DHRS7: variants seen among roughly 807,000 people sequenced by gnomAD.
DHRS7 encodes the protein dehydrogenase/reductase 7.
Under a neutral mutation model 38.9 loss-of-function variants are expected in DHRS7, and 34 were observed. The observed-to-expected ratio is 0.87, with a 90% CI of 0.66 to 1.16. The LOEUF (loss-of-function observed/expected upper bound fraction) is 1.16, where lower values mean the gene tolerates loss of function less well. Ranked by LOEUF, DHRS7 falls within the 50% of genes most tolerant of loss-of-function variation. DHRS7 has a pLI of 0.00. For missense variants in DHRS7, 421 were observed against 407.0 expected, an observed-to-expected ratio of 1.03 and a Z score of -0.30; for synonymous variants, 158 against 153.1, an observed-to-expected ratio of 1.03 and a Z score of -0.24.
chr14:60,150,194 G>GGCAAAAAAAAAA lies in DHRS7; in HGVS notation c.634-8_634-7insTTTTTTTTTTGC, dbSNP rs376945245. 2 of 1,121,046 alleles carry GGCAAAAAAAAAA rather than the reference G, an allele frequency of 1.8e-6. No homozygotes were observed. The highest frequency in any genetic ancestry group is 3.5e-5 in the East Asian group (1 of 28,246). The allele number at this position is 1,121,046 out of a possible 1,614,324, so 69.4% of individuals were successfully genotyped here. ...GAAGGCCATTAAAAAAACCCTAACAGACAAAAAAAAAAAAAAAGGAAAAAG... is the reference window on the plus strand; with the variant it reads ...GAAGGCCATTAAAAAAACCCTAACAGGCAAAAAAAAAAACAAAAAAAAAAAAAAAGGAAAAAG... On this transcript the variant is annotated splice_polypyrimidine_tract_variant and splice_region_variant and intron_variant, in intron 4 of 6. Coordinates refer to ENST00000557185, the MANE Select transcript of DHRS7 (RefSeq NM_016029.4).
At position 60,161,647 on chromosome 14, in the gene DHRS7, C is replaced by G. The variant is rs1466985437; in HGVS notation, c.133+3530G>C. Among the ~76,000 whole-genome samples the G allele has an allele frequency of 1.3e-5, 2 of 152,148 alleles. No homozygotes were observed. Among genetic ancestry groups the G allele is most frequent in the Admixed American group, 1.3e-4 (2 of 15,276 alleles). On this transcript the variant is annotated intron_variant, in intron 1 of 6. Transcript: ENST00000557185. The surrounding 1 kb of genome is among the most constrained non-coding windows in gnomAD (Gnocchi z 4.2). ...GCACCAATTCTAGTTGGTTAATGTT[C>G]CTCTTTATTAAAGGGAGCTGGCTAG... is the stretch of plus-strand genomic sequence containing the variant.
chr14:60,165,346 G>C lies in DHRS7; in HGVS notation c.-37C>G, dbSNP rs535204771. On this transcript the variant is annotated 5_prime_UTR_variant, in exon 1 of 7. Transcript: ENST00000557185. This position sits in a 1 kb window ranked among gnomAD's most constrained non-coding sequence, Gnocchi z 4.6. Reference sequence around the variant, plus strand: ...ACGCCCAGCTCGGGGGGAAGAAGACGGCCCGCACCAGAGTCGCGTCGCTGC... The same window carrying C: ...ACGCCCAGCTCGGGGGGAAGAAGACCGCCCGCACCAGAGTCGCGTCGCTGC... 9.7e-6 allele frequency: 15 copies of C among 1,550,716 alleles called. No homozygotes were observed. The highest frequency in any genetic ancestry group is 9.5e-5 in the Admixed American group (5 of 52,602).
chr14:60,158,164 C>T (rs1044330895), intron 1 of DHRS7, among the ~76,000 whole-genome samples: 1 of 141,460 alleles, frequency 7.1e-6, no homozygotes, highest in African/African-American at 2.7e-5. Flanking sequence ...ACCTGGGAGG[C>T]AGAGGTTGCA....
At chr14:60,158,980 A>C (rs1896710503) in intron 1 of DHRS7, 4 of 350,424 alleles carry the variant, frequency 1.1e-5, no homozygotes, top group South Asian at 1.1e-4. Context: ...GGTGGGTCCA[A>C]GTGTCCAGCC....
At chr14:60,165,502 C>A, upstream of DHRS7, 1 of 1,304,558 alleles carries the variant, frequency 7.7e-7, no homozygotes, top group Non-Finnish European at 9.7e-7. The surrounding 1 kb of genome is among the most constrained non-coding windows in gnomAD (Gnocchi z 4.6). Context: ...CACTCGCGGT[C>A]CTTGGGCGGC....
intron 1 of DHRS7, among the ~76,000 whole-genome samples, chr14:60,163,944 T>C (rs763380788): frequency 3.1e-4 from 47 of 152,102 alleles, no homozygotes; most frequent in Non-Finnish European, 6.5e-4. Context: ...AAGCCCTTGG[T>C]TAATGAAGTT....
At chr14:60,155,565 T>C (rs1896641365) in intron 2 of DHRS7, among the ~76,000 whole-genome samples, 1 of 152,224 alleles carries the variant, frequency 6.6e-6, no homozygotes, top group African/African-American at 2.4e-5. Flanking sequence ...GCTAATTCCA[T>C]TCCTGTTCTT....
At chr14:60,158,101 C>G (rs1057233222) in intron 1 of DHRS7, among the ~76,000 whole-genome samples, 2 of 151,726 alleles carry the variant, frequency 1.3e-5, no homozygotes, top group African/African-American at 4.8e-5. Flanking sequence ...GGTGTGGTGG[C>G]GCATCGTTGT....
At position 60,161,759 on chromosome 14, in the gene DHRS7, G is replaced by A. The variant is rs1160267849; in HGVS notation, c.133+3418C>T. ...ACTTCCCTTGTCCCCCAGAAGGTAG[G>A]GTCTATGAGGGCCTGGACTGTGGCT... On this transcript the variant is annotated intron_variant, in intron 1 of 6. Transcript: ENST00000557185. This position sits in a 1 kb window ranked among gnomAD's most constrained non-coding sequence, Gnocchi z 4.2. Among the ~76,000 whole-genome samples the A allele has an allele frequency of 2.0e-5, 3 of 152,182 alleles. No homozygotes were observed. Among genetic ancestry groups the A allele is most frequent in the East Asian group, 1.9e-4 (1 of 5,196 alleles).
chr14:60,165,535 C>T, upstream of DHRS7: 1 of 1,270,758 alleles, frequency 7.9e-7, no homozygotes, highest in Non-Finnish European at 9.9e-7. This position sits in a 1 kb window ranked among gnomAD's most constrained non-coding sequence, Gnocchi z 4.6. Flanking sequence ...GCGGCACACC[C>T]GGCGGGGCCG....
In DHRS7 at chr14:60,165,387, C is replaced by T. The variant is rs1401338654; in HGVS notation, c.-78G>A. 4 of 1,508,294 alleles carry T rather than the reference C, an allele frequency of 2.7e-6. No homozygotes were observed. In the East Asian group the frequency reaches 9.8e-5, roughly 37 times the overall value. The allele number at this position is 1,508,294 out of a possible 1,614,324, so 93.4% of individuals were successfully genotyped here. A position where few individuals can be genotyped will look rare whatever the true frequency, so the allele number is the denominator to read the frequency against. ...GCGTCGCTGCCCTGCGGGATCGCAG[C>T]GCCACCCCTTCGGCCAGCCCAGAGC... On this transcript the variant is annotated 5_prime_UTR_variant, in exon 1 of 7. Coordinates refer to ENST00000557185, the MANE Select transcript of DHRS7 (RefSeq NM_016029.4). This position sits in a 1 kb window ranked among gnomAD's most constrained non-coding sequence, Gnocchi z 4.6.
chr14:60,155,840 G>T, intron 2 of DHRS7, 160 bp downstream of exon 2: 1 of 620,980 alleles, frequency 1.6e-6, no homozygotes, highest in Non-Finnish European at 2.4e-6. Flanking sequence ...AAAAGGCGAG[G>T]GCAGCCAATT....
Position 60,145,912 on chromosome 14 carries a change from A to C in DHRS7, c.973-899T>G, listed in dbSNP as rs1896394365. 6.6e-6 allele frequency: 1 copy of C among 151,812 alleles called. No individual in the cohort carries two copies. Among genetic ancestry groups the C allele is most frequent in the Admixed American group, 6.6e-5 (1 of 15,226 alleles). The allele number at this position is 151,812 out of a possible 1,614,324, so 9.4% of individuals were successfully genotyped here. A position where few individuals can be genotyped will look rare whatever the true frequency, so the allele number is the denominator to read the frequency against. ...TAAAGATTCATAAAAACAAAGTTCC[A>C]GACATACAGACTAAAGAAGCAAATT... On this transcript the variant is annotated intron_variant, in intron 6 of 6. Transcript: ENST00000557185. This position sits in a 1 kb window ranked among gnomAD's most constrained non-coding sequence, Gnocchi z 4.0.
intron 1 of DHRS7, among the ~76,000 whole-genome samples, chr14:60,164,118 GAAT>G (rs1896818028): frequency 6.6e-6 from 1 of 151,358 alleles, no homozygotes; most frequent in African/African-American, 2.4e-5. Context: ...AAATACTAAG[GAAT>G]AATATTTTCT....
In DHRS7 at chr14:60,161,039, T is replaced by G. The variant is rs2140611587; in HGVS notation, c.133+4138A>C. ...AACTGTGAAAAATGGGAGTTTCAGATGTACACTTATTGATAATCTTGCTCA... is the reference window on the plus strand; with the variant it reads ...AACTGTGAAAAATGGGAGTTTCAGAGGTACACTTATTGATAATCTTGCTCA... On this transcript the variant is annotated intron_variant, in intron 1 of 6. Coordinates refer to ENST00000557185, the MANE Select transcript of DHRS7 (RefSeq NM_016029.4). This position sits in a 1 kb window ranked among gnomAD's most constrained non-coding sequence, Gnocchi z 4.2. Among the ~76,000 whole-genome samples the G allele has an allele frequency of 6.6e-6, 1 of 152,342 alleles. No homozygotes were observed. Among genetic ancestry groups the G allele is most frequent in the African/African-American group, 2.4e-5 (1 of 41,576 alleles).
rs771858223 is a variant in DHRS7 at position 60,156,080 on chromosome 14, T to C, written c.206A>G (p.Gln69Arg). ...SSGIGEELAY[Q>R]LSKLGVSLVL... Reference sequence around the variant, plus strand: ...AAGAGAAACTCCTAGTTTAGACAACTGGTAAGCCAGCTCCTCACCAATTCC... The same window carrying C: ...AAGAGAAACTCCTAGTTTAGACAACCGGTAAGCCAGCTCCTCACCAATTCC... Residue 69 changes from glutamine (Q) to arginine (R), a missense_variant, in exon 2 of 7, where the codon CAG becomes CGG. Coordinates refer to ENST00000557185, the MANE Select transcript of DHRS7 (RefSeq NM_016029.4). 8.7e-6 allele frequency: 14 copies of C among 1,606,062 alleles called. No individual in the cohort carries two copies.
rs56277430 is a variant in DHRS7, at chr14:60,150,196, CAAAAAA to C, written c.634-15_634-10del. On this transcript the variant is annotated splice_polypyrimidine_tract_variant and intron_variant, in intron 4 of 6. Coordinates refer to ENST00000557185, the MANE Select transcript of DHRS7 (RefSeq NM_016029.4). ...AGGCCATTAAAAAAACCCTAACAGA[CAAAAAA>C]AAAAAAAAAGGAAAAAGGCAAATAA... The C allele has an allele frequency of 4.2e-6, 5 of 1,187,668 alleles. No homozygotes were observed. The highest frequency in any genetic ancestry group is 3.2e-6 in the Non-Finnish European group (3 of 932,792). 73.6% of individuals were successfully genotyped at this position (1,187,668 alleles called of 1,614,324 possible).
rs1896350552 is a variant in DHRS7, at chr14:60,144,596, A to G, written c.*370T>C. On this transcript the variant is annotated 3_prime_UTR_variant, in exon 7 of 7. Coordinates refer to ENST00000557185, the MANE Select transcript of DHRS7 (RefSeq NM_016029.4). ...AATTCTGCTGGTGCATTGGTCTTGG[A>G]ATTCCCAGCCTCAAGAGCCAGGAAA... 7 of 217,252 alleles carry G rather than the reference A, an allele frequency of 3.2e-5. No homozygotes were observed. The South Asian group carries it at 4.1e-4, about 13-fold the overall frequency. 13.5% of individuals were successfully genotyped at this position (217,252 alleles called of 1,614,324 possible). A position where few individuals can be genotyped will look rare whatever the true frequency, so the allele number is the denominator to read the frequency against.
At chr14:60,151,536 C>CCA (rs1555332766) in intron 4 of DHRS7, among the ~76,000 whole-genome samples, 38 of 111,402 alleles carry the variant, frequency 3.4e-4, no homozygotes, top group African/African-American at 1.1e-3. Context: ...GAGATGAACC[C>CCA]AAAAAAAAAA....
Sources: allele counts gnomAD v4.1 joint callset (sites outside exome capture counted in the v4.1 genomes callset), GRCh38; gene constraint gnomAD v4.1.1; non-coding constraint Gnocchi (gnomAD v3.1); transcripts MANE v1.5; gene names NCBI Gene and HGNC (gene_info 2026-07-23, HGNC 2026-07-21).